Variants in KANSL1L observed in about 807,000 individuals in gnomAD.
KANSL1L encodes KAT8 regulatory NSL complex subunit 1-like protein.
In KANSL1L, 25 loss-of-function variants were observed where a neutral mutation model predicts 108.6. That is an observed-to-expected ratio of 0.23 (90% CI 0.17 to 0.32). The LOEUF (loss-of-function observed/expected upper bound fraction) is 0.32, where lower values mean the gene tolerates loss of function less well. Ranked by LOEUF, KANSL1L falls within the 10% of genes least tolerant of loss-of-function variation. KANSL1L has a pLI of 1.00. For synonymous variants in KANSL1L, 405 were observed against 395.1 expected, an observed-to-expected ratio of 1.03 and a Z score of -0.30; for missense variants, 1,137 against 1,125.7, an observed-to-expected ratio of 1.01 and a Z score of -0.14.
At chr2:210,038,991 T>G (rs1415905497) in intron 8 of KANSL1L, among the ~76,000 whole-genome samples, 1 of 152,008 alleles carries the variant, frequency 6.6e-6, no homozygotes, top group Non-Finnish European at 1.5e-5. Flanking sequence ...CTAAGCCATT[T>G]TATCAACATG....
chr2:210,125,526 C>T (rs2095058346), intron 3 of KANSL1L, among the ~76,000 whole-genome samples: 2 of 152,302 alleles, frequency 1.3e-5, no homozygotes, highest in South Asian at 2.1e-4. Flanking sequence ...AAATAAACTA[C>T]AGATCAATAT....
chr2:210,141,188 CTT>C (rs1352450251), intron 2 of KANSL1L, among the ~76,000 whole-genome samples: 1 of 148,976 alleles, frequency 6.7e-6, no homozygotes, highest in African/African-American at 2.5e-5. Context: ...CTTTCTCTCC[CTT>C]TCTCTTTTTC....
intron 6 of KANSL1L, among the ~76,000 whole-genome samples, chr2:210,064,817 CAAA>C (rs1168784210): frequency 7.1e-5 from 3 of 42,252 alleles, no homozygotes; most frequent in Admixed American, 2.8e-4. Context: ...CCTCCCCCAC[CAAA>C]AAAAAAAAAA....
At chr2:210,076,848 T>C (rs2094546215) in intron 5 of KANSL1L, among the ~76,000 whole-genome samples, 1 of 152,040 alleles carries the variant, frequency 6.6e-6, no homozygotes, top group African/African-American at 2.4e-5. Flanking sequence ...ACCTTAGTTA[T>C]GTAGACAAAA....
chr2:210,147,436 G>A (rs558759864), intron 2 of KANSL1L, among the ~76,000 whole-genome samples: 1 of 152,300 alleles, frequency 6.6e-6, no homozygotes, highest in Admixed American at 6.5e-5. Context: ...CTGGGCAACA[G>A]AGTGAGACCT....
chr2:210,079,101 C>T (rs2094562559), intron 5 of KANSL1L, among the ~76,000 whole-genome samples: 1 of 152,056 alleles, frequency 6.6e-6, no homozygotes, highest in East Asian at 1.9e-4. Context: ...CAGGTGTGCA[C>T]CACAACTCCT....
chr2:210,129,883 C>A (rs1014750289), intron 2 of KANSL1L, among the ~76,000 whole-genome samples: 1 of 151,812 alleles, frequency 6.6e-6, no homozygotes, highest in Non-Finnish European at 1.5e-5. Context: ...ATTCCTAGCT[C>A]CTCCTAGTAC....
chr2:210,029,735 A>G (rs1247139801), intron 10 of KANSL1L, 68 bp downstream of exon 10: 7 of 777,814 alleles, frequency 9.0e-6, no homozygotes, highest in African/African-American at 1.8e-5. Context: ...CAAAATATAA[A>G]TTATTTTCAA....
chr2:210,069,954 G>C (rs543050753), intron 6 of KANSL1L, among the ~76,000 whole-genome samples: 2 of 149,562 alleles, frequency 1.3e-5, no homozygotes, highest in Non-Finnish European at 3.0e-5. Flanking sequence ...TCAGCCTCCC[G>C]AGTAGCTGGG....
chr2:210,032,640 G>A (rs907504884), intron 8 of KANSL1L: 1 of 152,254 alleles, frequency 6.6e-6, no homozygotes, highest in Non-Finnish European at 1.5e-5. Flanking sequence ...ATGCCCAGGT[G>A]CCCTGCTTTG....
intron 2 of KANSL1L, among the ~76,000 whole-genome samples, chr2:210,147,332 C>T (rs539652344): frequency 4.6e-5 from 7 of 152,248 alleles, no homozygotes; most frequent in African/African-American, 1.7e-4. Flanking sequence ...CATGATGGCA[C>T]ATATCTGTAG....
In KANSL1L at chr2:210,044,570, G is replaced by A. The variant is rs2125196461; in HGVS notation, c.1756-466C>T. 6.6e-6 allele frequency among the ~76,000 whole-genome samples: 1 copy of A among 151,338 alleles called. No homozygotes were observed. Among genetic ancestry groups the A allele is most frequent in the East Asian group, 1.9e-4 (1 of 5,132 alleles). On this transcript the variant is annotated intron_variant, in intron 6 of 14. Coordinates refer to ENST00000281772, the MANE Select transcript of KANSL1L (RefSeq NM_152519.4). This position sits in a 1 kb window ranked among gnomAD's most constrained non-coding sequence, Gnocchi z 4.2. ...GCTTTTAATTTATCACAATAAGAAT[G>A]ATATGGATTGCAGGGTTTGTTTTTT...
chr2:210,152,545 T>C (rs1451832397), intron 2 of KANSL1L: 1 of 152,236 alleles, frequency 6.6e-6, no homozygotes, highest in Non-Finnish European at 1.5e-5. Flanking sequence ...CTCTCTCAAG[T>C]ACATGCCCCA....
At chr2:210,124,567 C>T (rs2095049028) in intron 3 of KANSL1L, among the ~76,000 whole-genome samples, 1 of 150,938 alleles carries the variant, frequency 6.6e-6, no homozygotes, top group Non-Finnish European at 1.5e-5. Flanking sequence ...CTCGAAATAA[C>T]AACCTAATTT....
intron 6 of KANSL1L, among the ~76,000 whole-genome samples, chr2:210,045,446 TTGTTAGGCA>T (rs1464331907): frequency 6.6e-6 from 1 of 152,172 alleles, no homozygotes; most frequent in East Asian, 1.9e-4. Flanking sequence ...TGCATTACCA[TTGTTAGGCA>T]TTTTAATTCT....
At chr2:210,092,918 T>C (rs1409830355) in intron 5 of KANSL1L, among the ~76,000 whole-genome samples, 1 of 151,818 alleles carries the variant, frequency 6.6e-6, no homozygotes, top group Non-Finnish European at 1.5e-5. Context: ...ATCTCAAAGA[T>C]AGGTTTTTTG....
intron 2 of KANSL1L, among the ~76,000 whole-genome samples, chr2:210,149,857 A>T (rs1318879260): frequency 6.6e-6 from 1 of 151,896 alleles, no homozygotes; most frequent in African/African-American, 2.4e-5. Context: ...GGGAAGATAT[A>T]TGAAATCAAG....
chr2:210,152,254 T>C (rs1279723175), intron 2 of KANSL1L: 1 of 152,208 alleles, frequency 6.6e-6, no homozygotes, highest in Admixed American at 6.5e-5. Flanking sequence ...GGGACAGTAA[T>C]AGATCCCCTG....
At chr2:210,166,941 T>A (rs1185063275) in intron 1 of KANSL1L, among the ~76,000 whole-genome samples, 1 of 151,990 alleles carries the variant, frequency 6.6e-6, no homozygotes, top group Non-Finnish European at 1.5e-5. Context: ...TTAAACATTA[T>A]CTCTAGACTA....
Sources: allele counts gnomAD v4.1 joint callset (sites outside exome capture counted in the v4.1 genomes callset), GRCh38; gene constraint gnomAD v4.1.1; non-coding constraint Gnocchi (gnomAD v3.1); transcripts MANE v1.5; gene names NCBI Gene and HGNC (gene_info 2026-07-23, HGNC 2026-07-21).